Variants in ASAP2 observed in about 807,000 individuals in gnomAD.
ASAP2 encodes the protein arf-GAP with SH3 domain, ANK repeat and PH domain-containing protein 2.
ASAP2 carries 45 observed loss-of-function variants against 131.4 expected under a neutral mutation model. The ratio of observed to expected loss-of-function variants is 0.34; its 90% CI spans 0.27 to 0.44. The LOEUF (loss-of-function observed/expected upper bound fraction) is 0.44. ASAP2 is among the 20% of genes least tolerant of loss of function. The probability of loss-of-function intolerance (pLI) is 1.00; values close to 1 mark genes in which losing one functional copy is unlikely to be tolerated. For missense variants in ASAP2, 1,011 were observed against 1,297.0 expected, an observed-to-expected ratio of 0.78 and a Z score of 3.39; for synonymous variants, 510 against 503.0, an observed-to-expected ratio of 1.01 and a Z score of -0.19.
At chr2:9,301,562 G>A (rs779449110) in intron 3 of ASAP2, among the ~76,000 whole-genome samples, 1 of 152,178 alleles carries the variant, frequency 6.6e-6, no homozygotes, top group Non-Finnish European at 1.5e-5. Context: ...TTTCAGGGCA[G>A]GTTTCTGAAA....
chr2:9,308,824 C>G (rs1212749380), intron 3 of ASAP2, among the ~76,000 whole-genome samples: 1 of 152,328 alleles, frequency 6.6e-6, no homozygotes, highest in East Asian at 1.9e-4. Flanking sequence ...GCACATACTT[C>G]TCAGAGTAAT....
At chr2:9,316,590 G>A (rs1669686450) in intron 3 of ASAP2, among the ~76,000 whole-genome samples, 2 of 152,118 alleles carry the variant, frequency 1.3e-5, no homozygotes, top group Non-Finnish European at 2.9e-5. Context: ...CCAAGCCTGG[G>A]AAGTGCGAAA....
At chr2:9,380,154 G>C (rs1674720868) in intron 19 of ASAP2, among the ~76,000 whole-genome samples, 1 of 152,104 alleles carries the variant, frequency 6.6e-6, no homozygotes, top group Non-Finnish European at 1.5e-5. Context: ...GTTTGGATGT[G>C]GATTTTAATT....
chr2:9,246,754 T>C (rs532624797), intron 1 of ASAP2, among the ~76,000 whole-genome samples: 1 of 152,338 alleles, frequency 6.6e-6, no homozygotes, highest in South Asian at 2.1e-4. Flanking sequence ...GTTTAATCCA[T>C]TGTGGCTCGA....
intron 27 of ASAP2, 30 bp downstream of exon 27, chr2:9,401,426 TG>T: frequency 6.2e-7 from 1 of 1,609,114 alleles, no homozygotes; most frequent in Non-Finnish European, 8.5e-7. Flanking sequence ...GGGAGGTTCC[TG>T]GGGGCTGAGC....
intron 15 of ASAP2, among the ~76,000 whole-genome samples, chr2:9,364,719 A>G (rs751004914): frequency 2.0e-5 from 3 of 152,220 alleles, no homozygotes; most frequent in Non-Finnish European, 4.4e-5. Context: ...ACGACTTACA[A>G]CTGTCTTCTA....
At position 9,356,333 on chromosome 2, in the gene ASAP2, T is replaced by C. The variant is rs766575943; in HGVS notation, c.1315T>C (p.Cys439Arg). The C allele has an allele frequency of 6.3e-7, 1 of 1,596,072 alleles. No homozygotes were observed. Among genetic ancestry groups the C allele is most frequent in the Non-Finnish European group, 8.5e-7 (1 of 1,171,136 alleles). The change falls in exon 14 of 28, where the codon TGT becomes CGT. Residue 439 changes from cysteine to arginine, a missense_variant. Cys to Arg is a radical substitution (Grantham distance 180). Around this residue, in one of 2 missense-constraint regions of ASAP2, gnomAD observed 359 missense variants for 598.1 expected, o/e 0.60. Transcript: ENST00000281419. ...GACGGGCAATGACGTCTGCTGTGACTGTGGGGCGCCAGGTGACCCAGGGAC... is the reference window on the plus strand; with the variant it reads ...GACGGGCAATGACGTCTGCTGTGACCGTGGGGCGCCAGGTGACCCAGGGAC... The part of the protein sequence containing the change: ...RMTGNDVCCD[C>R]GAPDPTWLST...
At chr2:9,257,298 C>G (rs971309119) in intron 1 of ASAP2, among the ~76,000 whole-genome samples, 1 of 145,950 alleles carries the variant, frequency 6.9e-6, no homozygotes, top group Non-Finnish European at 1.5e-5. Flanking sequence ...AAAGCAGGGA[C>G]TGTTTTATAG....
chr2:9,380,389 G>T (rs370036758), intron 19 of ASAP2, among the ~76,000 whole-genome samples: 1 of 152,014 alleles, frequency 6.6e-6, no homozygotes, highest in Non-Finnish European at 1.5e-5. Flanking sequence ...GTAGAGACGG[G>T]GTTTCACCAT....
intron 3 of ASAP2, among the ~76,000 whole-genome samples, chr2:9,305,019 G>T (rs906772039): frequency 6.6e-6 from 1 of 150,744 alleles, no homozygotes; most frequent in Non-Finnish European, 1.5e-5. Context: ...AAAGATATTG[G>T]TGGAGGGGCT....
chr2:9,350,700 C>T, intron 11 of ASAP2, 108 bp from the exon 12 acceptor site: 1 of 899,798 alleles, frequency 1.1e-6, no homozygotes, highest in Non-Finnish European at 1.6e-6. Context: ...CCTTTGCAAA[C>T]TAGTGAAGAG....
At chr2:9,391,741 T>C (rs886580432) in intron 23 of ASAP2, among the ~76,000 whole-genome samples, 6 of 96,458 alleles carry the variant, frequency 6.2e-5, no homozygotes, top group East Asian at 2.8e-4. Context: ...TGCTCAGCTA[T>C]TTTTTTTTTT....
chr2:9,319,662 A>G (rs941082567), intron 4 of ASAP2, among the ~76,000 whole-genome samples: 2 of 152,266 alleles, frequency 1.3e-5, no homozygotes, highest in African/African-American at 4.8e-5. Context: ...AGTAGTCAAC[A>G]GCAACAACAA....
intron 7 of ASAP2, among the ~76,000 whole-genome samples, chr2:9,331,925 T>A (rs1470390658): frequency 6.6e-6 from 1 of 152,048 alleles, no homozygotes; most frequent in Non-Finnish European, 1.5e-5. Flanking sequence ...CTGCAGAAGC[T>A]TGCAGAGGAG....
At chr2:9,390,193 C>A (rs1286538467) in intron 22 of ASAP2, among the ~76,000 whole-genome samples, 1 of 152,200 alleles carries the variant, frequency 6.6e-6, no homozygotes, top group Non-Finnish European at 1.5e-5. Flanking sequence ...ATACCCCTTA[C>A]CTGCCATCTC....
At chr2:9,372,303 G>A in intron 16 of ASAP2, among the ~76,000 whole-genome samples, 1 of 152,080 alleles carries the variant, frequency 6.6e-6, no homozygotes, top group Non-Finnish European at 1.5e-5. Flanking sequence ...TGTGCTGGAG[G>A]CCCTAAGAGG....
At chr2:9,358,701 A>G in intron 14 of ASAP2, 55 bp from the exon 15 acceptor site, 1 of 1,569,192 alleles carries the variant, frequency 6.4e-7, no homozygotes. Flanking sequence ...GAAAGATGTG[A>G]CTCCTGACCC....
At chr2:9,359,424 G>A (rs1478600796) in intron 15 of ASAP2, among the ~76,000 whole-genome samples, 1 of 152,220 alleles carries the variant, frequency 6.6e-6, no homozygotes, top group East Asian at 1.9e-4. Context: ...GATAGAGATA[G>A]GAGGAGACAG....
At position 9,225,408 on chromosome 2, in the gene ASAP2, C is replaced by T. The variant is rs571122586; in HGVS notation, c.126+18178C>T. ...AGACATTCTGCTTGGTATGGTGACC[C>T]AGGGACCTGCTGCTGGTAGAAGCAG... On this transcript the variant is annotated intron_variant, in intron 1 of 27. Coordinates refer to ENST00000281419, the MANE Select transcript of ASAP2 (RefSeq NM_003887.3). Among the ~76,000 whole-genome samples, 26 of 152,250 alleles carry T rather than the reference C, an allele frequency of 1.7e-4. No individual in the cohort carries two copies. The South Asian group carries it at 5.4e-3, about 32-fold the overall frequency.
Sources: allele counts gnomAD v4.1 joint callset (sites outside exome capture counted in the v4.1 genomes callset), GRCh38; gene constraint gnomAD v4.1.1; regional missense constraint gnomAD v4.1.1; transcripts MANE v1.5; gene names NCBI Gene and HGNC (gene_info 2026-07-23, HGNC 2026-07-21).